The following GRID2 variants were observed in gnomAD, a reference collection of about 807,000 sequenced individuals.
GRID2 encodes the protein glutamate receptor ionotropic, delta-2.
GRID2 carries 33 observed loss-of-function variants against 114.8 expected under a neutral mutation model. The ratio of observed to expected loss-of-function variants is 0.29; its 90% CI spans 0.22 to 0.38. The LOEUF is 0.38. Ranked by LOEUF, GRID2 falls within the 10% of genes least tolerant of loss-of-function variation. The pLI, the probability that GRID2 is intolerant of heterozygous loss-of-function variation, is 1.00. For synonymous variants in GRID2, 505 were observed against 449.9 expected, an observed-to-expected ratio of 1.12 and a Z score of -1.55; for missense variants, 1,184 against 1,257.7, an observed-to-expected ratio of 0.94 and a Z score of 0.89.
chr4:93,308,773 G>A (rs1211185729), intron 8 of GRID2, among the ~76,000 whole-genome samples: 1 of 152,120 alleles, frequency 6.6e-6, no homozygotes, highest in Non-Finnish European at 1.5e-5. Context: ...TCCAAAAATT[G>A]TTCTCACAAC....
At chr4:92,753,643 A>G (rs1406107770) in intron 2 of GRID2, among the ~76,000 whole-genome samples, 5 of 152,162 alleles carry the variant, frequency 3.3e-5, no homozygotes, top group African/African-American at 1.2e-4. Flanking sequence ...ATACTTCAAA[A>G]CTGATGGGAT....
chr4:92,829,070 T>G (rs982592829), intron 2 of GRID2, among the ~76,000 whole-genome samples: 4 of 152,218 alleles, frequency 2.6e-5, no homozygotes, highest in Non-Finnish European at 5.9e-5. Context: ...TTTGGTGTTT[T>G]AGTCATGAAG....
At chr4:92,965,659 T>G (rs573087323) in intron 2 of GRID2, among the ~76,000 whole-genome samples, 1 of 151,834 alleles carries the variant, frequency 6.6e-6, no homozygotes, top group South Asian at 2.1e-4. Context: ...TTTTACTTAT[T>G]GTTGCAATGG....
At chr4:93,150,519 G>A (rs1040768930) in intron 4 of GRID2, among the ~76,000 whole-genome samples, 1 of 151,960 alleles carries the variant, frequency 6.6e-6, no homozygotes, top group East Asian at 1.9e-4. Flanking sequence ...GCCCCCATTG[G>A]CACCCTTAGG....
At chr4:93,740,939 G>A (rs1263168146) in intron 14 of GRID2, among the ~76,000 whole-genome samples, 3 of 150,008 alleles carry the variant, frequency 2.0e-5, no homozygotes, top group Non-Finnish European at 4.4e-5. Flanking sequence ...CTACTTACCT[G>A]CAAGGAGTAT....
At chr4:92,550,580 A>G (rs1037195250) in intron 1 of GRID2, among the ~76,000 whole-genome samples, 7 of 152,140 alleles carry the variant, frequency 4.6e-5, no homozygotes, top group African/African-American at 1.4e-4. Flanking sequence ...AAATATTCAG[A>G]CTGGTTTGGC....
intron 1 of GRID2, among the ~76,000 whole-genome samples, chr4:92,473,382 A>T (rs1722137653): frequency 6.6e-6 from 1 of 151,802 alleles, no homozygotes; most frequent in African/African-American, 2.4e-5. Flanking sequence ...GGAAAGTTTT[A>T]TTTTTTCACT....
chr4:92,936,554 G>A (rs1750687196), intron 2 of GRID2, among the ~76,000 whole-genome samples: 1 of 146,028 alleles, frequency 6.8e-6, no homozygotes, highest in African/African-American at 2.4e-5. Flanking sequence ...AATATTAGTA[G>A]ATTGTGGTTT....
intron 14 of GRID2, among the ~76,000 whole-genome samples, chr4:93,669,416 C>A (rs1023029018): frequency 6.6e-6 from 1 of 151,818 alleles, no homozygotes; most frequent in African/African-American, 2.4e-5. Flanking sequence ...ATATATTGGC[C>A]ATTTTATTAT....
intron 14 of GRID2, among the ~76,000 whole-genome samples, chr4:93,716,732 CCTT>C (rs2110182567): frequency 6.6e-6 from 1 of 152,138 alleles, no homozygotes; most frequent in East Asian, 1.9e-4. Flanking sequence ...AGCTCTCCCT[CCTT>C]CACTAATACT....
intron 4 of GRID2, among the ~76,000 whole-genome samples, chr4:93,176,715 T>A (rs1254400132): frequency 6.6e-6 from 1 of 152,200 alleles, no homozygotes; most frequent in Non-Finnish European, 1.5e-5. Context: ...GTTTTAAATA[T>A]TACTGTGCTT....
At chr4:92,390,645 C>T (rs1051930742) in intron 1 of GRID2, among the ~76,000 whole-genome samples, 9 of 152,110 alleles carry the variant, frequency 5.9e-5, no homozygotes, top group Non-Finnish European at 7.4e-5. Context: ...GAAAGGCTAT[C>T]GTTTTAAATA....
intron 8 of GRID2, among the ~76,000 whole-genome samples, chr4:93,289,417 T>C (rs1356631271): frequency 6.6e-6 from 1 of 152,188 alleles, no homozygotes; most frequent in Admixed American, 6.5e-5. Flanking sequence ...TTAGGGCATG[T>C]GGCAAATCCA....
At chr4:92,770,257 T>A (rs1738476903) in intron 2 of GRID2, among the ~76,000 whole-genome samples, 3 of 152,164 alleles carry the variant, frequency 2.0e-5, no homozygotes, top group Admixed American at 1.3e-4. Context: ...AAGTTCCTCA[T>A]CTCTATCTGA....
intron 1 of GRID2, among the ~76,000 whole-genome samples, chr4:92,582,158 C>G (rs908177643): frequency 3.3e-5 from 5 of 151,842 alleles, no homozygotes; most frequent in African/African-American, 1.2e-4. Flanking sequence ...AGTAAATTAT[C>G]AATGTTCCTT....
At chr4:92,530,735 TAAAAAAA>T (rs143078058) in intron 1 of GRID2, among the ~76,000 whole-genome samples, 2 of 126,624 alleles carry the variant, frequency 1.6e-5, no homozygotes, top group East Asian at 2.3e-4. Context: ...CCCCCTCTAC[TAAAAAAA>T]AAAAAAAAAA....
intron 3 of GRID2, among the ~76,000 whole-genome samples, chr4:93,100,507 T>G (rs1731602958): frequency 6.6e-6 from 1 of 152,046 alleles, no homozygotes; most frequent in African/African-American, 2.4e-5. Context: ...TTATAAAGTA[T>G]GTTTTGCTAT....
At chr4:93,186,198 G>A (rs142421817) in intron 4 of GRID2, among the ~76,000 whole-genome samples, 1,584 of 152,174 alleles carry the variant, frequency 0.01, 32 homozygotes, top group African/African-American at 0.036. Context: ...GAATAGTGCC[G>A]CAATAAACAT....
At chr4:92,766,958 G>T (rs1315718991) in intron 2 of GRID2, among the ~76,000 whole-genome samples, 1 of 152,174 alleles carries the variant, frequency 6.6e-6, no homozygotes, top group Non-Finnish European at 1.5e-5. Flanking sequence ...TTTTAAGTCT[G>T]AATGCTAATA....
Sources: gnomAD v4.1 joint callset for allele counts (sites outside exome capture counted in the v4.1 genomes callset) on GRCh38, gnomAD v4.1.1 for gene constraint, MANE v1.5 for transcripts, NCBI Gene and HGNC (gene_info 2026-07-23, HGNC 2026-07-21) for gene names.